The following DCDC1 variants were observed in gnomAD, a reference collection of about 807,000 sequenced individuals.
DCDC1 encodes the protein doublecortin domain-containing protein 1.
In DCDC1, 200 loss-of-function variants were observed where a neutral mutation model predicts 178.3. The observed-to-expected ratio is 1.12, with a 90% CI of 1.00 to 1.26. DCDC1 has a LOEUF of 1.26. Among genes scored for constraint, DCDC1 ranks in the 50% most tolerant of loss-of-function variants. The pLI is 0.00. For synonymous variants in DCDC1, 690 were observed against 604.8 expected, an observed-to-expected ratio of 1.14 and a Z score of -2.07; for missense variants, 1,983 against 1,749.2, an observed-to-expected ratio of 1.13 and a Z score of -2.38.
At chr11:31,132,031 C>T (rs208067) in intron 10 of DCDC1, among the ~76,000 whole-genome samples, 45,568 of 152,040 alleles carry the variant, frequency 0.3, 8,310 homozygotes, top group East Asian at 0.63. Context: ...AAGTTTCATC[C>T]GGCATAGATT....
chr11:31,351,681 T>A (rs964703550), intron 1 of DCDC1, among the ~76,000 whole-genome samples: 1 of 152,122 alleles, frequency 6.6e-6, no homozygotes, highest in Non-Finnish European at 1.5e-5. Flanking sequence ...AAAAAGCACA[T>A]AAACTTCTTT....
chr11:31,212,819 A>C (rs1972741766), intron 9 of DCDC1, among the ~76,000 whole-genome samples: 1 of 152,220 alleles, frequency 6.6e-6, no homozygotes, highest in African/African-American at 2.4e-5. Flanking sequence ...TAGCAAAAAT[A>C]TACAAAACTG....
chr11:30,922,634 T>C lies in DCDC1; in HGVS notation c.3002A>G (p.Tyr1001Cys). 1 of 1,541,762 alleles carries C rather than the reference T, an allele frequency of 6.5e-7. No individual in the cohort carries two copies. Among genetic ancestry groups the C allele is most frequent in the South Asian group, 1.3e-5 (1 of 78,192 alleles). Residue 1001 changes from tyrosine (Y) to cysteine (C), a missense_variant, in exon 24 of 39, where the codon TAT becomes TGT. By Grantham distance (194) the Tyr-to-Cys change is radical. Coordinates refer to ENST00000684477, the MANE Select transcript of DCDC1 (RefSeq NM_001387274.1). ...LKDLQRDELV[Y>C]VSCGELWINP... Reference sequence around the variant, plus strand: ...GATCCAGAGTTCTCCACATGAAACATACACCTATCAAACAAAGCATCTCTT... The same window carrying C: ...GATCCAGAGTTCTCCACATGAAACACACACCTATCAAACAAAGCATCTCTT...
At position 30,884,033 on chromosome 11, in the gene DCDC1, A is replaced by ATTTTTTTTTTTTTTTTTTTTTTTTTT. The variant is rs59940255; in HGVS notation, c.5083-2726_5083-2725insAAAAAAAAAAAAAAAAAAAAAAAAAA. 1.0e-4 allele frequency among the ~76,000 whole-genome samples: 10 copies of ATTTTTTTTTTTTTTTTTTTTTTTTTT among 95,780 alleles called. 1 individual carries two copies. The highest frequency in any genetic ancestry group is 1.6e-4 in the Non-Finnish European group (8 of 49,922). The allele number at this position is 95,780 out of a possible 152,430, so 62.8% of individuals were successfully genotyped here. ...AAAGAAAACCAAAGCATTCTTTCTC[A>ATTTTTTTTTTTTTTTTTTTTTTTTTT]TTTTTTTTTTTTTTTGAGACAGGGT... On this transcript the variant is annotated intron_variant, in intron 36 of 38. Coordinates refer to ENST00000684477, the MANE Select transcript of DCDC1 (RefSeq NM_001387274.1).
intron 9 of DCDC1, among the ~76,000 whole-genome samples, chr11:31,199,427 T>C (rs1200856160): frequency 6.6e-6 from 1 of 152,072 alleles, no homozygotes. Context: ...CAAAAGCTTG[T>C]GAAATTTTCC....
At chr11:30,984,258 C>A (rs925566269) in intron 20 of DCDC1, among the ~76,000 whole-genome samples, 5 of 152,112 alleles carry the variant, frequency 3.3e-5, no homozygotes, top group African/African-American at 7.2e-5. Context: ...TGTTTGGGCA[C>A]GTGTGTATAC....
rs1330709860 is a variant in DCDC1 at position 30,878,647 on chromosome 11, T to C, written c.5298A>G (p.Gln1766=). ...ATGGTGACACCACAATGTCTGTGGC[T>C]TGAGGGCCCTGCTGCCTTCGGATTC... The part of the protein sequence containing the change: ...YARIRRQQGP[Q]ATDIVVSPST... The change falls in exon 38 of 39, where the codon CAA becomes CAG. Residue 1766 remains glutamine (Q), a synonymous_variant. Transcript: ENST00000684477. 2 of 1,611,842 alleles carry C rather than the reference T, an allele frequency of 1.2e-6. No individual in the cohort carries two copies. The highest frequency in any genetic ancestry group is 3.3e-5 in the Admixed American group (2 of 59,782).
intron 21 of DCDC1, among the ~76,000 whole-genome samples, chr11:30,934,425 C>A (rs1253384497): frequency 2.0e-5 from 3 of 152,146 alleles, no homozygotes; most frequent in African/African-American, 7.2e-5. Context: ...CACAATATCA[C>A]CAGCTTGGGG....
intron 38 of DCDC1, among the ~76,000 whole-genome samples, chr11:30,871,188 C>A (rs1405296441): frequency 1.3e-5 from 2 of 152,080 alleles, no homozygotes; most frequent in Non-Finnish European, 2.9e-5. Flanking sequence ...AGCCGTTAAG[C>A]AACAGAAGCC....
chr11:30,904,514 G>C (rs1414608113), intron 31 of DCDC1: 1 of 176,258 alleles, frequency 5.7e-6, no homozygotes, highest in Non-Finnish European at 1.2e-5. Context: ...CACAGCCCCT[G>C]CTTCCCCAAT....
chr11:31,190,752 T>C (rs1336692937), intron 9 of DCDC1, among the ~76,000 whole-genome samples: 1 of 152,104 alleles, frequency 6.6e-6, no homozygotes, highest in Non-Finnish European at 1.5e-5. Context: ...TTATGTTGTG[T>C]TTTGATTTTC....
intron 9 of DCDC1, among the ~76,000 whole-genome samples, chr11:31,163,631 T>C (rs1022305752): frequency 1.3e-5 from 2 of 152,172 alleles, no homozygotes; most frequent in Admixed American, 6.5e-5. Flanking sequence ...GAGCCTGAAA[T>C]AGTATAAAAC....
intron 20 of DCDC1, among the ~76,000 whole-genome samples, chr11:31,001,460 C>T: frequency 6.6e-6 from 1 of 152,094 alleles, no homozygotes; most frequent in Non-Finnish European, 1.5e-5. Flanking sequence ...GGACAAAAAT[C>T]TCTGTTTTGC....
At chr11:30,867,013 C>T (rs1264069676) in intron 38 of DCDC1, among the ~76,000 whole-genome samples, 1 of 152,190 alleles carries the variant, frequency 6.6e-6, no homozygotes, top group Non-Finnish European at 1.5e-5. Context: ...TGATCTTGGA[C>T]TTCCCAGCCT....
intron 1 of DCDC1, among the ~76,000 whole-genome samples, chr11:31,342,292 T>C (rs762258225): frequency 3.9e-5 from 6 of 152,214 alleles, no homozygotes; most frequent in Non-Finnish European, 7.3e-5. Context: ...TTCATACCTA[T>C]TGACATAAGA....
intron 1 of DCDC1, among the ~76,000 whole-genome samples, chr11:31,352,445 C>G (rs1951119898): frequency 6.6e-6 from 1 of 152,128 alleles, no homozygotes. Context: ...GAAAAAGGCA[C>G]TGCCCTCAGT....
intron 3 of DCDC1, among the ~76,000 whole-genome samples, chr11:31,326,172 T>A (rs1451675180): frequency 6.6e-6 from 1 of 151,994 alleles, no homozygotes; most frequent in Non-Finnish European, 1.5e-5. Flanking sequence ...GAAGTTAGGA[T>A]TCAAACAAAG....
intron 20 of DCDC1, among the ~76,000 whole-genome samples, chr11:31,026,483 T>C (rs1440269464): frequency 6.6e-6 from 1 of 151,830 alleles, no homozygotes; most frequent in Non-Finnish European, 1.5e-5. Flanking sequence ...CGTGCTCAAG[T>C]ATAGCTGTTA....
chr11:30,920,265 C>T (rs1352313673), intron 25 of DCDC1, among the ~76,000 whole-genome samples: 1 of 152,112 alleles, frequency 6.6e-6, no homozygotes, highest in Admixed American at 6.6e-5. Context: ...GTTTTTCTGT[C>T]TGCAATAGGT....
Sources: allele counts gnomAD v4.1 joint callset (sites outside exome capture counted in the v4.1 genomes callset), GRCh38; gene constraint gnomAD v4.1.1; transcripts MANE v1.5; gene names NCBI Gene and HGNC (gene_info 2026-07-23, HGNC 2026-07-21).